Variants in SLC44A1 observed in about 807,000 individuals in gnomAD.
SLC44A1 encodes the protein solute carrier family 44 member 1, also known as choline transporter-like protein 1.
Under a neutral mutation model 79.3 loss-of-function variants are expected in SLC44A1, and 26 were observed. The ratio of observed to expected loss-of-function variants is 0.33; its 90% CI spans 0.24 to 0.46. SLC44A1 has a LOEUF of 0.46. Among genes scored for constraint, SLC44A1 ranks in the 20% least tolerant of loss-of-function variants. SLC44A1 has a pLI of 1.00. For missense variants in SLC44A1, 688 were observed against 798.1 expected (o/e 0.86, Z 1.66); for synonymous variants, 263 against 286.2 (o/e 0.92, Z 0.82).
At chr9:105,308,216 A>G (rs1358947788) in intron 2 of SLC44A1, among the ~76,000 whole-genome samples, 1 of 152,196 alleles carries the variant, frequency 6.6e-6, no homozygotes, top group African/African-American at 2.4e-5. Flanking sequence ...AAAGCCCACC[A>G]TCTTTCCCTT....
rs1252120622 is a variant in SLC44A1 at position 105,244,969 on chromosome 9, G to C, written c.36+65G>C. 1.1e-5 allele frequency: 9 copies of C among 824,172 alleles called. No homozygotes were observed. The East Asian group carries it at 3.8e-4, about 35-fold the overall frequency. The allele number at this position is 824,172 out of a possible 1,614,324, so 51.1% of individuals were successfully genotyped here. A position where few individuals can be genotyped will look rare whatever the true frequency, so the allele number is the denominator to read the frequency against. On this transcript the variant is annotated intron_variant, in intron 1 of 15. Transcript: ENST00000374720. Reference sequence around the variant, plus strand: ...TCCCGTGCGCCGCGTCGCGCGGCGGGCGCCCGCCGCCCGATACCTCTCGCT... The same window carrying C: ...TCCCGTGCGCCGCGTCGCGCGGCGGCCGCCCGCCGCCCGATACCTCTCGCT...
At chr9:105,329,960 A>G (rs1465444993) in intron 3 of SLC44A1, among the ~76,000 whole-genome samples, 2 of 152,032 alleles carry the variant, frequency 1.3e-5, no homozygotes, top group African/African-American at 2.4e-5. Flanking sequence ...CTCCTATCAC[A>G]TGGTTTTTAA....
chr9:105,404,842 A>G (rs1245894562), intron 15 of SLC44A1, among the ~76,000 whole-genome samples: 1 of 152,248 alleles, frequency 6.6e-6, no homozygotes, highest in African/African-American at 2.4e-5. Flanking sequence ...TTTGAGGCTC[A>G]GGATCTTCCT....
chr9:105,351,600 A>AAAGAGAGAAAGAGAGAAAGAGAGAAAG (rs1554797164), intron 5 of SLC44A1, among the ~76,000 whole-genome samples: 1 of 43,186 alleles, frequency 2.3e-5, no homozygotes. Flanking sequence ...GAGAAAGAGA[A>AAAGAGAGAAAGAGAGAAAGAGAGAAAG]AGAAAGAAAG....
intron 15 of SLC44A1, among the ~76,000 whole-genome samples, chr9:105,413,136 T>C (rs1829119470): frequency 6.6e-6 from 1 of 152,198 alleles, no homozygotes; most frequent in African/African-American, 2.4e-5. Context: ...AAAAGAGACT[T>C]CTGTTTCATC....
At chr9:105,353,938 C>T (rs535069508) in intron 5 of SLC44A1, among the ~76,000 whole-genome samples, 2 of 151,382 alleles carry the variant, frequency 1.3e-5, no homozygotes, top group Admixed American at 1.3e-4. Context: ...GAGATGGCAT[C>T]CAGACAACCT....
intron 1 of SLC44A1, among the ~76,000 whole-genome samples, chr9:105,293,483 T>G (rs574956183): frequency 1.3e-5 from 2 of 152,336 alleles, no homozygotes; most frequent in Admixed American, 1.3e-4. Flanking sequence ...CTAGTAACTC[T>G]TTTTGTATGT....
At chr9:105,435,017 C>G (rs1269632757) in intron 15 of SLC44A1, among the ~76,000 whole-genome samples, 1 of 152,018 alleles carries the variant, frequency 6.6e-6, no homozygotes, top group East Asian at 1.9e-4. Flanking sequence ...TGTGGTGGCA[C>G]GGGCCTGTAG....
intron 10 of SLC44A1, among the ~76,000 whole-genome samples, chr9:105,365,122 G>T (rs750348934): frequency 1.3e-5 from 2 of 151,982 alleles, no homozygotes; most frequent in Non-Finnish European, 2.9e-5. Flanking sequence ...AAAGCTTTAG[G>T]TCTCATAATT....
Position 105,385,406 on chromosome 9 carries a change from G to C in SLC44A1, c.1870-16G>C, listed in dbSNP as rs1371614305. ...AAGGACCCAAGAATTTATTCAATATGGTCCATATTTTGCAGGAGTTTGTGG... is the reference window on the plus strand; with the variant it reads ...AAGGACCCAAGAATTTATTCAATATCGTCCATATTTTGCAGGAGTTTGTGG... On this transcript the variant is annotated splice_polypyrimidine_tract_variant and intron_variant, in intron 14 of 15. Coordinates refer to ENST00000374720, the MANE Select transcript of SLC44A1 (RefSeq NM_080546.5). 6.5e-7 allele frequency: 1 copy of C among 1,540,628 alleles called. No homozygotes were observed. Among genetic ancestry groups the C allele is most frequent in the Admixed American group, 1.9e-5 (1 of 52,716 alleles).
chr9:105,419,693 T>C (rs1829218391), intron 15 of SLC44A1, among the ~76,000 whole-genome samples: 1 of 151,998 alleles, frequency 6.6e-6, no homozygotes, highest in African/African-American at 2.4e-5. Flanking sequence ...GGTGGGTGGA[T>C]CACCTGAGGT....
At chr9:105,327,461 T>C (rs2131344068) in intron 3 of SLC44A1, among the ~76,000 whole-genome samples, 1 of 152,218 alleles carries the variant, frequency 6.6e-6, no homozygotes, top group East Asian at 1.9e-4. Flanking sequence ...TTCTGTATTT[T>C]TAGTAGAGAC....
In SLC44A1 at chr9:105,351,691, T is replaced by C. The variant is rs564471959; in HGVS notation, c.500+3240T>C. ...GAAAGAAAGAACCAAGAAAAAAATG[T>C]TATCTGTTCATATTTTTCAATGGAG... On this transcript the variant is annotated intron_variant, in intron 5 of 15. Coordinates refer to ENST00000374720, the MANE Select transcript of SLC44A1 (RefSeq NM_080546.5). Among the ~76,000 whole-genome samples, 7 of 95,530 alleles carry C rather than the reference T, an allele frequency of 7.3e-5. No individual in the cohort carries two copies. The South Asian group carries it at 1.6e-3, about 21-fold the overall frequency. 62.7% of individuals were successfully genotyped at this position (95,530 alleles called of 152,430 possible).
At chr9:105,349,435 A>G (rs1320889372) in intron 5 of SLC44A1, among the ~76,000 whole-genome samples, 1 of 152,228 alleles carries the variant, frequency 6.6e-6, no homozygotes, top group Non-Finnish European at 1.5e-5. Context: ...TGAAAGTAGA[A>G]AAAAGATATA....
chr9:105,305,019 G>A (rs1830989211), intron 2 of SLC44A1, among the ~76,000 whole-genome samples: 1 of 123,518 alleles, frequency 8.1e-6, no homozygotes, highest in Non-Finnish European at 1.6e-5. Flanking sequence ...TGCCCAGGCT[G>A]GAGTGCAGTA....
chr9:105,322,521 A>G (rs1697620928), intron 3 of SLC44A1, among the ~76,000 whole-genome samples: 1 of 152,228 alleles, frequency 6.6e-6, no homozygotes, highest in Admixed American at 6.5e-5. Context: ...GGTTGTCATT[A>G]TCTAATTAAT....
rs187482425 is a variant in SLC44A1 at position 105,417,729 on chromosome 9, A to G, written c.1951-20552A>G. 1.4e-4 allele frequency among the ~76,000 whole-genome samples: 21 copies of G among 150,892 alleles called. No homozygotes were observed. The East Asian group carries it at 3.8e-3, about 27-fold the overall frequency. ...TCAGAAGGCCAGGAAGCAGCCAGGC[A>G]TGGTGGCTTATACCTGTAATCCCAG... On this transcript the variant is annotated intron_variant, in intron 15 of 15. Transcript: ENST00000374724.
At chr9:105,435,756 G>GCAGTGTAC (rs1194125632) in intron 15 of SLC44A1, among the ~76,000 whole-genome samples, 2 of 152,174 alleles carry the variant, frequency 1.3e-5, no homozygotes, top group Non-Finnish European at 2.9e-5. Context: ...TTAGCTAATA[G>GCAGTGTAC]CAGTGTACCA....
At chr9:105,413,081 G>A (rs759243558) in intron 15 of SLC44A1, among the ~76,000 whole-genome samples, 3 of 152,180 alleles carry the variant, frequency 2.0e-5, no homozygotes, top group Non-Finnish European at 2.9e-5. Context: ...AAAAAATGGT[G>A]TCTATAGTCA....
Sources: gnomAD v4.1 joint callset for allele counts (sites outside exome capture counted in the v4.1 genomes callset) on GRCh38, gnomAD v4.1.1 for gene constraint, MANE v1.5 for transcripts, NCBI Gene and HGNC (gene_info 2026-07-23, HGNC 2026-07-21) for gene names.